Variants in KIAA1614 observed in about 807,000 individuals in gnomAD.
KIAA1614 encodes the protein KIAA1614, also known as uncharacterized protein KIAA1614.
In KIAA1614, 76 loss-of-function variants were observed where a neutral mutation model predicts 88.7. That is an observed-to-expected ratio of 0.86 (90% CI 0.71 to 1.04). KIAA1614 has a LOEUF of 1.04. Ranked by LOEUF, KIAA1614 falls within the 50% of genes least tolerant of loss-of-function variation. The probability of loss-of-function intolerance (pLI) is 0.00; values close to 1 mark genes in which losing one functional copy is unlikely to be tolerated. For missense variants in KIAA1614, 1,553 were observed against 1,582.5 expected (o/e 0.98, Z 0.32); for synonymous variants, 714 against 675.5 (o/e 1.06, Z -0.88).
intron 3 of KIAA1614, among the ~76,000 whole-genome samples, chr1:180,926,942 C>T (rs1159864518): frequency 1.3e-5 from 2 of 152,238 alleles, no homozygotes; most frequent in East Asian, 3.8e-4. Flanking sequence ...TGCCTGGGCC[C>T]TGCCAGGGTT....
rs1654576961 is a variant in KIAA1614 at position 180,945,729 on chromosome 1, G to C, written c.*141G>C. ...GCCCTAGGCAACTGCAGCTGAGAGTGCGTTGGTGGGGAGTGTGCGGGAGGG... is the reference window on the plus strand; with the variant it reads ...GCCCTAGGCAACTGCAGCTGAGAGTCCGTTGGTGGGGAGTGTGCGGGAGGG... On this transcript the variant is annotated 3_prime_UTR_variant, in exon 9 of 9. Transcript: ENST00000367588. 1.4e-6 allele frequency: 2 copies of C among 1,394,134 alleles called. No homozygotes were observed. Among genetic ancestry groups the C allele is most frequent in the South Asian group, 3.5e-5 (2 of 57,646 alleles). The allele number at this position is 1,394,134 out of a possible 1,614,324, so 86.4% of individuals were successfully genotyped here. A position where few individuals can be genotyped will look rare whatever the true frequency, so the allele number is the denominator to read the frequency against.
chr1:180,916,196 G>T lies in KIAA1614; in HGVS notation c.93G>T (p.Gly31=), dbSNP rs763176337. The stretch of plus-strand genomic sequence containing the variant: ...GTGGAACAGCCAGCCCCGTGGAGGG[G>T]ACCTCAGCTGTGGAGTGGAGTGGTC... ...TGSGTASPVE[G]TSAVEWSGPE... The change falls in exon 2 of 9, where the codon GGG becomes GGT. Residue 31 remains glycine, a synonymous_variant. Transcript: ENST00000367588. 1 of 1,600,730 alleles carries T rather than the reference G, an allele frequency of 6.2e-7. No homozygotes were observed. The highest frequency in any genetic ancestry group is 8.5e-7 in the Non-Finnish European group (1 of 1,174,020).
At chr1:180,920,023 T>G (rs577961577) in intron 3 of KIAA1614, among the ~76,000 whole-genome samples, 48 of 152,170 alleles carry the variant, frequency 3.2e-4, no homozygotes, top group Non-Finnish European at 6.5e-4. Flanking sequence ...GCAAAGAGTG[T>G]TGTGGGGAAA....
At chr1:180,940,465 C>T (rs755723158) in intron 6 of KIAA1614, among the ~76,000 whole-genome samples, 1 of 152,038 alleles carries the variant, frequency 6.6e-6, no homozygotes, top group African/African-American at 2.4e-5. Context: ...CATGCCATTG[C>T]ACTCCAGTCT....
At chr1:180,943,886 C>T (rs1260684028) in intron 7 of KIAA1614, among the ~76,000 whole-genome samples, 1 of 152,162 alleles carries the variant, frequency 6.6e-6, no homozygotes, top group Non-Finnish European at 1.5e-5. Context: ...AACCTTTTAA[C>T]TTACCTGTGC....
At chr1:180,918,929 T>G (rs1653885211) in intron 3 of KIAA1614, among the ~76,000 whole-genome samples, 1 of 152,186 alleles carries the variant, frequency 6.6e-6, no homozygotes. Flanking sequence ...AGATTCAGCA[T>G]CTGGTGAGGG....
chr1:180,948,190 G>A lies in KIAA1614; in HGVS notation c.*2602G>A, dbSNP rs1005823272. On this transcript the variant is annotated 3_prime_UTR_variant, in exon 9 of 9. Transcript: ENST00000367588. ...GGTCCCCACGCACATGAAGCCTGGCGAGTGCTGGGGCCTCCGTGTCCCAGG... is the reference window on the plus strand; with the variant it reads ...GGTCCCCACGCACATGAAGCCTGGCAAGTGCTGGGGCCTCCGTGTCCCAGG... The A allele has an allele frequency of 6.6e-6, 1 of 152,262 alleles. No homozygotes were observed. Among genetic ancestry groups the A allele is most frequent in the African/African-American group, 2.4e-5 (1 of 41,468 alleles). The allele number at this position is 152,262 out of a possible 1,614,324, so 9.4% of individuals were successfully genotyped here.
Position 180,917,934 on chromosome 1 carries a change from A to G in KIAA1614, c.1061+20A>G, listed in dbSNP as rs542848675. ...GAACAGGTAAGAGCTCAGAGCCCAC[A>G]TTTTCTCTCCCTCCCTCCTCACCAT... On this transcript the variant is annotated intron_variant, in intron 3 of 8. Transcript: ENST00000367588. 1.9e-6 allele frequency: 3 copies of G among 1,606,716 alleles called. No individual in the cohort carries two copies. The highest frequency in any genetic ancestry group is 2.7e-5 in the African/African-American group (2 of 74,812).
intron 3 of KIAA1614, among the ~76,000 whole-genome samples, chr1:180,924,159 A>G (rs1299571083): frequency 6.6e-6 from 1 of 152,208 alleles, no homozygotes; most frequent in Non-Finnish European, 1.5e-5. Flanking sequence ...AAATCTCATG[A>G]TGGTCCCAAT....
At position 180,935,490 on chromosome 1, in the gene KIAA1614, G is replaced by T. The variant is rs1382810268; in HGVS notation, c.1581G>T (p.Pro527=). The change falls in exon 5 of 9, where the codon CCG becomes CCT. Residue 527 remains proline, a synonymous_variant. Coordinates refer to ENST00000367588, the MANE Select transcript of KIAA1614 (RefSeq NM_020950.2). This position sits in a 1 kb window ranked among gnomAD's most constrained non-coding sequence, Gnocchi z 6.1. Reference sequence around the variant, plus strand: ...TGGACCGCAGGGGACACCCGGCACCGCCGGCACCGGGCAGCGAGAGGAGGT... The same window carrying T: ...TGGACCGCAGGGGACACCCGGCACCTCCGGCACCGGGCAGCGAGAGGAGGT... ...GSLDRRGHPA[P]PAPGSERRCQ... is the part of the protein sequence containing the mutation. 2.0e-6 allele frequency: 3 copies of T among 1,489,350 alleles called. No homozygotes were observed. In the African/African-American group the frequency reaches 4.2e-5, roughly 21 times the overall value. The allele number at this position is 1,489,350 out of a possible 1,614,324, so 92.3% of individuals were successfully genotyped here.
At chr1:180,917,145 G>GA in intron 2 of KIAA1614, 45 bp downstream of exon 2, 1 of 1,498,026 alleles carries the variant, frequency 6.7e-7, no homozygotes, top group Non-Finnish European at 9.1e-7. Context: ...GAGCAGGAGG[G>GA]AATCCAGAGG....
At chr1:180,913,379 G>A (rs1046852075) in intron 1 of KIAA1614, 86 bp downstream of exon 1, 3 of 922,754 alleles carry the variant, frequency 3.3e-6, no homozygotes, top group Non-Finnish European at 4.3e-6. Flanking sequence ...AGGTCGCCCC[G>A]GCCACTGGGA....
At chr1:180,923,003 A>G (rs1029050542) in intron 3 of KIAA1614, among the ~76,000 whole-genome samples, 11 of 152,330 alleles carry the variant, frequency 7.2e-5, no homozygotes, top group African/African-American at 1.4e-4. Context: ...GAACGCAAGG[A>G]AACACTTTAC....
chr1:180,929,765 C>T (rs1654152093), intron 4 of KIAA1614, among the ~76,000 whole-genome samples: 1 of 152,238 alleles, frequency 6.6e-6, no homozygotes, highest in Non-Finnish European at 1.5e-5. Context: ...TCTCACCAGG[C>T]CCAAGCAAGA....
At position 180,946,764 on chromosome 1, in the gene KIAA1614, C is replaced by CCAAG. The variant is rs1654605239; in HGVS notation, c.*1176_*1177insCAAG. 1 of 152,164 alleles carries CCAAG rather than the reference C, an allele frequency of 6.6e-6. No homozygotes were observed. Among genetic ancestry groups the CCAAG allele is most frequent in the Non-Finnish European group, 1.5e-5 (1 of 68,042 alleles). 9.4% of individuals were successfully genotyped at this position (152,164 alleles called of 1,614,324 possible). On this transcript the variant is annotated 3_prime_UTR_variant, in exon 9 of 9. Coordinates refer to ENST00000367588, the MANE Select transcript of KIAA1614 (RefSeq NM_020950.2). ...TCTGCCTGCTACCACATTTGCAGAC[C>CCAAG]ACAGCATGAGTTCTCATGTCTGTTC...
Position 180,916,646 on chromosome 1 carries a change from CAG to C in KIAA1614, c.544_545del (p.Arg182GlyfsTer14). ...CTGCCCCTGGACGTGAGTACTGCAA[CAG>C]GGGGAGCCCGTGGCCTCCAGAAGCC... The part of the protein sequence containing the change: ...PPAPGREYCN[R>X]GSPWPPEAEW... On this transcript the variant is annotated frameshift_variant, in exon 2 of 9. Transcript: ENST00000367588. LOFTEE classifies it high-confidence loss of function. 1.2e-6 allele frequency: 2 copies of C among 1,601,094 alleles called. No individual in the cohort carries two copies. Among genetic ancestry groups the C allele is most frequent in the Non-Finnish European group, 1.7e-6 (2 of 1,172,520 alleles).
chr1:180,921,530 G>A (rs1170102568), intron 3 of KIAA1614, among the ~76,000 whole-genome samples: 1 of 152,064 alleles, frequency 6.6e-6, no homozygotes, highest in South Asian at 2.1e-4. Flanking sequence ...CAGGGCTGCC[G>A]GCCCCAAGGG....
At chr1:180,937,475 G>T (rs1654359101) in intron 5 of KIAA1614, among the ~76,000 whole-genome samples, 1 of 152,232 alleles carries the variant, frequency 6.6e-6, no homozygotes, top group South Asian at 2.1e-4. Context: ...AATCCTGGGG[G>T]TTGGCAGGCT....
chr1:180,927,756 TGA>T (rs572169913), intron 3 of KIAA1614, among the ~76,000 whole-genome samples: 1 of 152,296 alleles, frequency 6.6e-6, no homozygotes, highest in African/African-American at 2.4e-5. Flanking sequence ...CTTATTATTA[TGA>T]AAGTCGAACC....
Sources: allele counts gnomAD v4.1 joint callset (sites outside exome capture counted in the v4.1 genomes callset), GRCh38; gene constraint gnomAD v4.1.1; non-coding constraint Gnocchi (gnomAD v3.1); transcripts MANE v1.5; gene names NCBI Gene and HGNC (gene_info 2026-07-23, HGNC 2026-07-21).